The following DGCR8 variants were observed in gnomAD, a reference collection of about 807,000 sequenced individuals.
DGCR8 encodes the protein DGCR8 microprocessor complex subunit.
DGCR8 carries 14 observed loss-of-function variants against 78.5 expected under a neutral mutation model. The observed-to-expected ratio is 0.18, with a 90% CI of 0.12 to 0.28. The LOEUF (loss-of-function observed/expected upper bound fraction) is 0.28, where lower values mean the gene tolerates loss of function less well. Ranked by LOEUF, DGCR8 falls within the 10% of genes least tolerant of loss-of-function variation. The pLI, the probability that DGCR8 is intolerant of heterozygous loss-of-function variation, is 1.00. For missense variants in DGCR8, 702 were observed against 1,022.5 expected (o/e 0.69, Z 4.28); for synonymous variants, 399 against 402.4 (o/e 0.99, Z 0.10).
rs895512602 is a variant in DGCR8 at position 20,111,244 on chromosome 22, G to A, written c.*1136G>A. On this transcript the variant is annotated 3_prime_UTR_variant, in exon 14 of 14. Transcript: ENST00000351989. ...CAGGGTGTGCTCAAAGGCTGGCCCT[G>A]GTGGTGGACTGGCACCTGTGCAGAG... The A allele has an allele frequency of 8.3e-5, 33 of 398,752 alleles. No individual in the cohort carries two copies. Among genetic ancestry groups the A allele is most frequent in the East Asian group, 3.9e-4 (11 of 28,086 alleles). The allele number at this position is 398,752 out of a possible 1,614,324, so 24.7% of individuals were successfully genotyped here.
rs374909151 is a variant in DGCR8 at position 20,091,225 on chromosome 22, A to G, written c.1307-210A>G. 8.4e-4 allele frequency among the ~76,000 whole-genome samples: 128 copies of G among 152,352 alleles called. No homozygotes were observed. The South Asian group carries it at 0.025, about 30-fold the overall frequency. On this transcript the variant is annotated intron_variant, in intron 5 of 13. Transcript: ENST00000351989. ...CTTCCTGCCCCAAATAAAGTAAAAGAACATCTCAGAAATTCATCCAGAAGG... is the reference window on the plus strand; with the variant it reads ...CTTCCTGCCCCAAATAAAGTAAAAGGACATCTCAGAAATTCATCCAGAAGG...
At chr22:20,097,158 G>A (rs9606245) in intron 9 of DGCR8, among the ~76,000 whole-genome samples, 41,088 of 152,054 alleles carry the variant, frequency 0.27, 5,662 homozygotes, top group South Asian at 0.29. Context: ...CAGTGTAACA[G>A]CAGGTACAGG....
rs3827291 is a variant in DGCR8, at chr22:20,085,315, C to T, written c.-277-372C>T. Among the ~76,000 whole-genome samples, 7 of 152,150 alleles carry T rather than the reference C, an allele frequency of 4.6e-5. No individual in the cohort carries two copies. The highest frequency in any genetic ancestry group is 1.2e-4 in the African/African-American group (5 of 41,422). On this transcript the variant is annotated intron_variant, in intron 1 of 13. Coordinates refer to ENST00000351989, the MANE Select transcript of DGCR8 (RefSeq NM_022720.7). This position sits in a 1 kb window ranked among gnomAD's most constrained non-coding sequence, Gnocchi z 6.2. ...CTCTGGTGGCCTGAGGGAGGCCACG[C>T]GCCTTCTGTGTGTTCCAGAAAGGGT...
chr22:20,087,375 G>T lies in DGCR8; in HGVS notation c.880+54G>T. The T allele has an allele frequency of 6.5e-7, 1 of 1,533,964 alleles. No individual in the cohort carries two copies. The highest frequency in any genetic ancestry group is 8.8e-7 in the Non-Finnish European group (1 of 1,135,238). On this transcript the variant is annotated intron_variant, in intron 3 of 13. Transcript: ENST00000351989. The surrounding 1 kb of genome is among the most constrained non-coding windows in gnomAD (Gnocchi z 4.1). Reference sequence around the variant, plus strand: ...GTTCCAGGGCAGTGGAGGGGTGGTTGCTTCCTTAGCAGAAATGCTTTGAGA... The same window carrying T: ...GTTCCAGGGCAGTGGAGGGGTGGTTTCTTCCTTAGCAGAAATGCTTTGAGA...
chr22:20,101,347 C>A (rs558402799), intron 9 of DGCR8: 1 of 922,384 alleles, frequency 1.1e-6, no homozygotes, highest in East Asian at 1.2e-4. Flanking sequence ...GAGGCCGAGG[C>A]GGGCAGATTA....
chr22:20,109,345 A>G (rs961603073), intron 13 of DGCR8, among the ~76,000 whole-genome samples: 3 of 152,122 alleles, frequency 2.0e-5, no homozygotes, highest in African/African-American at 7.2e-5. Context: ...CTTGGTCCTG[A>G]TGAAGCCTCC....
At chr22:20,102,830 C>A (rs1231587750) in intron 9 of DGCR8, among the ~76,000 whole-genome samples, 1 of 152,136 alleles carries the variant, frequency 6.6e-6, no homozygotes, top group African/African-American at 2.4e-5. Flanking sequence ...AACAATATGT[C>A]AGTTTCTATA....
intron 9 of DGCR8, among the ~76,000 whole-genome samples, chr22:20,102,830 C>G (rs1231587750): frequency 1.3e-5 from 2 of 152,136 alleles, no homozygotes; most frequent in African/African-American, 4.8e-5. Flanking sequence ...AACAATATGT[C>G]AGTTTCTATA....
chr22:20,110,320 C>T lies in DGCR8; in HGVS notation c.*212C>T. 1 of 566,618 alleles carries T rather than the reference C, an allele frequency of 1.8e-6. No homozygotes were observed. Among genetic ancestry groups the T allele is most frequent in the South Asian group, 2.2e-5 (1 of 44,972 alleles). 35.1% of individuals were successfully genotyped at this position (566,618 alleles called of 1,614,324 possible). On this transcript the variant is annotated 3_prime_UTR_variant, in exon 14 of 14. Coordinates refer to ENST00000351989, the MANE Select transcript of DGCR8 (RefSeq NM_022720.7). ...TGGAGCAGCGGCTCTCCCTGGAAAG[C>T]TCCAGGCCTGAATGGATGGACTCAG... is the stretch of plus-strand genomic sequence containing the variant.
chr22:20,093,067 G>A (rs1298299757), intron 8 of DGCR8, among the ~76,000 whole-genome samples, 160 bp downstream of exon 8: 1 of 152,000 alleles, frequency 6.6e-6, no homozygotes, highest in Non-Finnish European at 1.5e-5. Context: ...AAAATTACAT[G>A]CTCATTGGAA....
chr22:20,110,277 G>A lies in DGCR8; in HGVS notation c.*169G>A. 1.6e-6 allele frequency: 1 copy of A among 633,544 alleles called. No homozygotes were observed. The highest frequency in any genetic ancestry group is 2.7e-6 in the Non-Finnish European group (1 of 367,020). The allele number at this position is 633,544 out of a possible 1,614,324, so 39.2% of individuals were successfully genotyped here. On this transcript the variant is annotated 3_prime_UTR_variant, in exon 14 of 14. Transcript: ENST00000351989. ...GGCTTTAGTGTACAGGGACAGCCATGGCCACACAGCACACATGTGGAGCAG... is the reference window on the plus strand; with the variant it reads ...GGCTTTAGTGTACAGGGACAGCCATAGCCACACAGCACACATGTGGAGCAG...
chr22:20,106,907 CCT>C (rs1025678866), intron 11 of DGCR8: 34 of 591,126 alleles, frequency 5.8e-5, no homozygotes, highest in Admixed American at 8.8e-5. Context: ...CGCTGTCACC[CCT>C]GTCTCCGTCC....
At position 20,094,602 on chromosome 22, in the gene DGCR8, G is replaced by A. The variant is rs777947916; in HGVS notation, c.1706-111G>A. 6.8e-5 allele frequency: 66 copies of A among 966,918 alleles called. 1 individual carries two copies. Among genetic ancestry groups the A allele is most frequent in the Non-Finnish European group, 3.9e-5 (24 of 612,280 alleles). 59.9% of individuals were successfully genotyped at this position (966,918 alleles called of 1,614,324 possible). A position where few individuals can be genotyped will look rare whatever the true frequency, so the allele number is the denominator to read the frequency against. ...AGTGCTGTCTCTCCTCAGGGCCCTC[G>A]CTCAGCCTCTGAGCTGTGGGGATGG... On this transcript the variant is annotated intron_variant, in intron 8 of 13. Transcript: ENST00000351989.
chr22:20,087,391 T>C lies in DGCR8; in HGVS notation c.880+70T>C. The C allele has an allele frequency of 6.6e-7, 1 of 1,517,250 alleles. No homozygotes were observed. The highest frequency in any genetic ancestry group is 1.3e-5 in the South Asian group (1 of 77,734). 94.0% of individuals were successfully genotyped at this position (1,517,250 alleles called of 1,614,324 possible). ...GGGGTGGTTGCTTCCTTAGCAGAAA[T>C]GCTTTGAGAGAGCTCTGGTGCCAGG... On this transcript the variant is annotated intron_variant, in intron 3 of 13. Coordinates refer to ENST00000351989, the MANE Select transcript of DGCR8 (RefSeq NM_022720.7). The surrounding 1 kb of genome is among the most constrained non-coding windows in gnomAD (Gnocchi z 4.1).
chr22:20,089,672 G>C lies in DGCR8; in HGVS notation c.884G>C (p.Arg295Pro), dbSNP rs759142349. The change falls in exon 4 of 14, where the codon CGT becomes CCT. Residue 295 changes from arginine (R) to proline (P), a missense_variant. Transcript: ENST00000351989. The surrounding 1 kb of genome is among the most constrained non-coding windows in gnomAD (Gnocchi z 4.9). The stretch of plus-strand genomic sequence containing the variant: ...ATGTTCTTGTCTTCCTGTGCAGGTC[G>C]TGGCCGCCCACCTACAGAGCCGCTG... ...MTKIKTVLKS[R>P]GRPPTEPLPD... 5 of 1,613,736 alleles carry C rather than the reference G, an allele frequency of 3.1e-6. No individual in the cohort carries two copies. The highest frequency in any genetic ancestry group is 4.2e-6 in the Non-Finnish European group (5 of 1,179,958).
intron 1 of DGCR8, among the ~76,000 whole-genome samples, chr22:20,082,801 A>G (rs1248454417): frequency 6.6e-6 from 1 of 152,218 alleles, no homozygotes; most frequent in Non-Finnish European, 1.5e-5. Context: ...CCTTTCTTCC[A>G]TAATGCTATG....
chr22:20,085,165 T>C lies in DGCR8; in HGVS notation c.-277-522T>C, dbSNP rs1394028607. 2 of 465,346 alleles carry C rather than the reference T, an allele frequency of 4.3e-6. No homozygotes were observed. The highest frequency in any genetic ancestry group is 5.6e-6 in the Non-Finnish European group (2 of 354,774). 28.8% of individuals were successfully genotyped at this position (465,346 alleles called of 1,614,324 possible). A position where few individuals can be genotyped will look rare whatever the true frequency, so the allele number is the denominator to read the frequency against. ...CTACCCTGTGGGCCCAGGAGAGCCC[T>C]GGGGTCCCTGGGTAGCAGAGCGCCT... On this transcript the variant is annotated intron_variant, in intron 1 of 13. Transcript: ENST00000351989. The surrounding 1 kb of genome is among the most constrained non-coding windows in gnomAD (Gnocchi z 6.2).
chr22:20,092,080 A>G (rs11089328), intron 7 of DGCR8, 110 bp downstream of exon 7: 356,439 of 836,726 alleles, frequency 0.43, 79,356 homozygotes, highest in East Asian at 0.64. Flanking sequence ...GAACGGGAGG[A>G]AAGGGAAGGG....
chr22:20,100,996 T>G (rs1467575651), intron 9 of DGCR8, among the ~76,000 whole-genome samples: 1 of 152,210 alleles, frequency 6.6e-6, no homozygotes, highest in African/African-American at 2.4e-5. Context: ...AAAATTTTAC[T>G]TATGAAACTT....
Sources: gnomAD v4.1 joint callset for allele counts (sites outside exome capture counted in the v4.1 genomes callset) on GRCh38, gnomAD v4.1.1 for gene constraint, Gnocchi (gnomAD v3.1) non-coding constraint, MANE v1.5 for transcripts, NCBI Gene and HGNC (gene_info 2026-07-23, HGNC 2026-07-21) for gene names.